WDFY4: variants seen among roughly 807,000 people sequenced by gnomAD.
The protein encoded by WDFY4 is WD repeat- and FYVE domain-containing protein 4.
A neutral mutation model predicts 351.9 loss-of-function variants in WDFY4; 169 were observed. The ratio of observed to expected loss-of-function variants is 0.48; its 90% CI spans 0.42 to 0.55. WDFY4 has a LOEUF of 0.55. Among genes scored for constraint, WDFY4 ranks in the 20% least tolerant of loss-of-function variants. The pLI is 0.00. For synonymous variants in WDFY4, 1,622 were observed against 1,574.6 expected (o/e 1.03, Z -0.71); for missense variants, 3,803 against 3,935.6 (o/e 0.97, Z 0.90).
chr10:48,974,783 C>A, intron 57 of WDFY4, 79 bp from the exon 58 acceptor site: 1 of 1,400,316 alleles, frequency 7.1e-7, no homozygotes, highest in Non-Finnish European at 9.5e-7. Flanking sequence ...CAGCACCCAG[C>A]TTTATAGGGA....
intron 29 of WDFY4, 103 bp from the exon 30 acceptor site, chr10:48,811,436 A>G (rs886821014): frequency 4.1e-6 from 4 of 975,380 alleles, no homozygotes; most frequent in East Asian, 2.6e-5. Context: ...CAGCATTTCT[A>G]TGGGATGGGT....
intron 39 of WDFY4, among the ~76,000 whole-genome samples, chr10:48,836,073 G>T (rs367692316): frequency 1.5e-3 from 223 of 152,326 alleles, no homozygotes; most frequent in African/African-American, 5.1e-3. Context: ...AGATGCCTTT[G>T]TCGCTAACAG....
chr10:48,775,643 A>T, intron 14 of WDFY4, 69 bp from the exon 15 acceptor site: 1 of 1,421,794 alleles, frequency 7.0e-7, no homozygotes, highest in South Asian at 1.2e-5. Flanking sequence ...GACAGTTGTC[A>T]GGATAAAGTT....
At chr10:48,972,591 C>A (rs113463850) in intron 57 of WDFY4, among the ~76,000 whole-genome samples, 2 of 152,244 alleles carry the variant, frequency 1.3e-5, no homozygotes, top group Non-Finnish European at 2.9e-5. Context: ...TTTAATAAAC[C>A]ATTTCTTCTA....
intron 24 of WDFY4, among the ~76,000 whole-genome samples, chr10:48,797,033 G>T (rs373659063): frequency 6.6e-6 from 1 of 152,174 alleles, no homozygotes; most frequent in Admixed American, 6.5e-5. Context: ...AGCCAGATGG[G>T]ACTGGGACAT....
intron 6 of WDFY4, among the ~76,000 whole-genome samples, chr10:48,726,504 A>G (rs2064272337): frequency 6.6e-6 from 1 of 152,190 alleles, no homozygotes; most frequent in Non-Finnish European, 1.5e-5. Context: ...TTTCAAACTT[A>G]AAGATGCCTG....
intron 45 of WDFY4, among the ~76,000 whole-genome samples, chr10:48,899,926 T>C (rs112808366): frequency 1.1e-3 from 163 of 152,312 alleles, no homozygotes; most frequent in African/African-American, 3.8e-3. Flanking sequence ...AGTCTGAGGA[T>C]GGCATGGGTG....
At chr10:48,707,065 C>T (rs966560910) in intron 1 of WDFY4, among the ~76,000 whole-genome samples, 1 of 152,054 alleles carries the variant, frequency 6.6e-6, no homozygotes, top group Non-Finnish European at 1.5e-5. Flanking sequence ...AGTATACTCT[C>T]ATGAAGCAGC....
chr10:48,795,792 G>A (rs2066854245), intron 23 of WDFY4, among the ~76,000 whole-genome samples: 1 of 151,858 alleles, frequency 6.6e-6, no homozygotes, highest in South Asian at 2.1e-4. Context: ...AGGCTTGGTG[G>A]GACCCATCTT....
rs2067447812 is a variant in WDFY4 at position 48,811,565 on chromosome 10, C to T, written c.5071C>T (p.Pro1691Ser). The T allele has an allele frequency of 9.7e-6, 15 of 1,552,302 alleles. No individual in the cohort carries two copies. The highest frequency in any genetic ancestry group is 2.7e-5 in the African/African-American group (2 of 73,178). Reference sequence around the variant, plus strand: ...CAACCTGAAGAGCCAGTCACCACTGCCTGAGCAAAGCCCATGCCTGCTTCC... The same window carrying T: ...CAACCTGAAGAGCCAGTCACCACTGTCTGAGCAAAGCCCATGCCTGCTTCC... ...MDNLKSQSPL[P>S]EQSPCLLPGF... The change falls in exon 30 of 62, where the codon CCT becomes TCT. Residue 1691 changes from proline (P) to serine (S), a missense_variant. By Grantham distance (74) the Pro-to-Ser change is moderately conservative (BLOSUM62 -1). Transcript: ENST00000325239.
intron 23 of WDFY4, 116 bp from the exon 24 acceptor site, chr10:48,796,182 G>A (rs2066868740): frequency 3.2e-6 from 4 of 1,242,840 alleles, no homozygotes; most frequent in Admixed American, 5.6e-5. Flanking sequence ...AACATGGAAT[G>A]AAGGATGGTA....
chr10:48,867,291 C>T lies in WDFY4; in HGVS notation c.6690C>T (p.Tyr2230=). The T allele has an allele frequency of 6.7e-7, 1 of 1,494,286 alleles. No individual in the cohort carries two copies. Among genetic ancestry groups the T allele is most frequent in the South Asian group, 1.4e-5 (1 of 72,928 alleles). 92.6% of individuals were successfully genotyped at this position (1,494,286 alleles called of 1,614,324 possible). A position where few individuals can be genotyped will look rare whatever the true frequency, so the allele number is the denominator to read the frequency against. Reference sequence around the variant, plus strand: ...ATTTTGTGTCATGTATAGAGAACTACAGAAGAAGAGGACAAGAGCTATATG... The same window carrying T: ...ATTTTGTGTCATGTATAGAGAACTATAGAAGAAGAGGACAAGAGCTATATG... ...TEDFVSCIEN[Y]RRRGQELYAS... is the part of the protein sequence containing the mutation. The change falls in exon 40 of 62, where the codon TAC becomes TAT. Residue 2230 remains tyrosine (Y), a synonymous_variant. Coordinates refer to ENST00000325239, the MANE Select transcript of WDFY4 (RefSeq NM_001394531.1).
At chr10:48,917,903 G>A (rs1053029205) in intron 47 of WDFY4, among the ~76,000 whole-genome samples, 3 of 152,188 alleles carry the variant, frequency 2.0e-5, no homozygotes, top group African/African-American at 7.2e-5. Context: ...ACTGTGTGAT[G>A]GAGTTGTCAA....
At position 48,805,248 on chromosome 10, in the gene WDFY4, T is replaced by G. The variant is rs950133993; in HGVS notation, c.4485-12T>G. The G allele has an allele frequency of 6.5e-7, 1 of 1,540,730 alleles. No homozygotes were observed. The highest frequency in any genetic ancestry group is 1.7e-4 in the Middle Eastern group (1 of 5,988). On this transcript the variant is annotated splice_polypyrimidine_tract_variant and intron_variant, in intron 25 of 61. Coordinates refer to ENST00000325239, the MANE Select transcript of WDFY4 (RefSeq NM_001394531.1). The stretch of plus-strand genomic sequence containing the variant: ...GTAAAAGCTTTTACTGTCTCTCTCC[T>G]GTACTCACCAGGGAAGGACCCAGGA...
intron 58 of WDFY4, 93 bp from the exon 59 acceptor site, chr10:48,976,704 G>C: frequency 8.6e-7 from 1 of 1,163,524 alleles, no homozygotes; most frequent in Non-Finnish European, 1.1e-6. Context: ...GACAGATTGA[G>C]AGTACTTGGG....
At chr10:48,934,224 A>G (rs1034703783) in intron 47 of WDFY4, among the ~76,000 whole-genome samples, 23 of 152,208 alleles carry the variant, frequency 1.5e-4, no homozygotes, top group Non-Finnish European at 2.9e-5. Flanking sequence ...TGATAAATGT[A>G]TGGAGAATTT....
chr10:48,730,828 A>T (rs948117685), intron 8 of WDFY4, among the ~76,000 whole-genome samples: 1 of 152,244 alleles, frequency 6.6e-6, no homozygotes, highest in Non-Finnish European at 1.5e-5. Context: ...GATATTTTGC[A>T]TCATTTCCTT....
In WDFY4 at chr10:48,727,504, C is replaced by T; in HGVS notation, c.816C>T (p.Leu272=). 1 of 1,551,778 alleles carries T rather than the reference C, an allele frequency of 6.4e-7. No homozygotes were observed. Among genetic ancestry groups the T allele is most frequent in the Non-Finnish European group, 8.7e-7 (1 of 1,147,006 alleles). ...TDCVRLSLQN[L]SRLTDTLPAP... is the part of the protein sequence containing the mutation. ...GTGTCAGGCTCTCCCTCCAGAACCT[C>T]TCCAGGCTCACGGACACTCTCCCTG... Residue 272 remains leucine (L), a synonymous_variant, in exon 7 of 62, where the codon CTC becomes CTT. Transcript: ENST00000325239.
Position 48,820,299 on chromosome 10 carries a change from A to G in WDFY4, c.5571A>G (p.Thr1857=), listed in dbSNP as rs570368810. ...AGGCCGCAGCTGAAGGCGACAGCAC[A>G]GTGGAGGGTCTCCAGGCTCCCACCA... ...SPEAAAEGDS[T]VEGLQAPTKA... Residue 1857 remains threonine (T), a synonymous_variant, in exon 33 of 62, where the codon ACA becomes ACG. Transcript: ENST00000325239. 1.9e-6 allele frequency: 3 copies of G among 1,551,660 alleles called. No homozygotes were observed. Among genetic ancestry groups the G allele is most frequent in the Admixed American group, 2.0e-5 (1 of 50,984 alleles).
Sources: allele counts gnomAD v4.1 joint callset (sites outside exome capture counted in the v4.1 genomes callset), GRCh38; gene constraint gnomAD v4.1.1; transcripts MANE v1.5; gene names NCBI Gene and HGNC (gene_info 2026-07-23, HGNC 2026-07-21).